The following GAS2L3 variants were observed in gnomAD, a reference collection of about 807,000 sequenced individuals.
GAS2L3 encodes the protein growth arrest specific 2 like 3.
A neutral mutation model predicts 37.0 loss-of-function variants in GAS2L3; 28 were observed. That is an observed-to-expected ratio of 0.76 (90% CI 0.56 to 1.04). The LOEUF (loss-of-function observed/expected upper bound fraction) is 1.04. Ranked by LOEUF, GAS2L3 falls within the 50% of genes least tolerant of loss-of-function variation. The pLI is 0.00. For synonymous variants in GAS2L3, 290 were observed against 296.6 expected (o/e 0.98, Z 0.23); for missense variants, 793 against 817.6 (o/e 0.97, Z 0.37).
At chr12:100,612,740 C>T (rs971326561) in intron 6 of GAS2L3, among the ~76,000 whole-genome samples, 1 of 152,038 alleles carries the variant, frequency 6.6e-6, no homozygotes, top group Non-Finnish European at 1.5e-5. Flanking sequence ...TGTGTACATA[C>T]ACACACACAC....
intron 3 of GAS2L3, among the ~76,000 whole-genome samples, chr12:100,595,809 A>C (rs1432343079): frequency 6.6e-6 from 1 of 152,060 alleles, no homozygotes; most frequent in East Asian, 1.9e-4. Flanking sequence ...TAACATGTGC[A>C]AATGGACTGC....
chr12:100,613,551 G>A (rs1956151317), intron 6 of GAS2L3, among the ~76,000 whole-genome samples: 1 of 151,322 alleles, frequency 6.6e-6, no homozygotes, highest in African/African-American at 2.4e-5. Flanking sequence ...TGCTTGGGGT[G>A]TATAATAGAT....
At chr12:100,583,174 T>C (rs928148882) in intron 1 of GAS2L3, among the ~76,000 whole-genome samples, 1 of 152,228 alleles carries the variant, frequency 6.6e-6, no homozygotes, top group Non-Finnish European at 1.5e-5. Context: ...CAGCTCTGCA[T>C]CCCTCTTACA....
intron 4 of GAS2L3, 139 bp from the exon 5 acceptor site, chr12:100,601,499 G>T: frequency 2.0e-6 from 1 of 504,018 alleles, no homozygotes; most frequent in Non-Finnish European, 3.6e-6. Context: ...TATTTTAACT[G>T]TACCTTCTAA....
chr12:100,612,734 T>A (rs1318767352), intron 6 of GAS2L3, among the ~76,000 whole-genome samples: 1 of 152,174 alleles, frequency 6.6e-6, no homozygotes, highest in Non-Finnish European at 1.5e-5. Flanking sequence ...TATATATGTG[T>A]ACATACACAC....
chr12:100,624,391 T>G lies in GAS2L3; in HGVS notation c.1586T>G (p.Ile529Arg). The change falls in exon 10 of 10, where the codon ATA (isoleucine) becomes AGA (arginine). Residue 529 changes from isoleucine (I) to arginine (R), a missense_variant. Coordinates refer to ENST00000547754, the MANE Select transcript of GAS2L3 (RefSeq NM_174942.3). Reference protein sequence around the residue: ...AKMTKTSSKTIATGLGTQSQP... With the variant: ...AKMTKTSSKTRATGLGTQSQP... ...ATGACAAAAACCAGTTCCAAAACCA[T>G]AGCCACGGGTCTAGGAACACAGTCT... 6 of 1,613,946 alleles carry G rather than the reference T, an allele frequency of 3.7e-6. No individual in the cohort carries two copies. Among genetic ancestry groups the G allele is most frequent in the Non-Finnish European group, 5.1e-6 (6 of 1,179,990 alleles).
intron 1 of GAS2L3, 186 bp downstream of exon 1, chr12:100,573,971 G>T (rs36062145): frequency 6.6e-6 from 1 of 152,172 alleles, no homozygotes; most frequent in Admixed American, 6.5e-5. Context: ...CGGCAGTCGC[G>T]TGCTCTGATT....
At chr12:100,593,313 TAATC>T (rs1565801468) in intron 2 of GAS2L3, among the ~76,000 whole-genome samples, 1 of 152,176 alleles carries the variant, frequency 6.6e-6, no homozygotes, top group Non-Finnish European at 1.5e-5. Context: ...TTTTTAAAGT[TAATC>T]CAGATGGTTA....
chr12:100,614,255 G>A (rs928331330), intron 6 of GAS2L3, among the ~76,000 whole-genome samples: 11 of 152,070 alleles, frequency 7.2e-5, no homozygotes, highest in Non-Finnish European at 1.3e-4. Flanking sequence ...CCTGAGGTCA[G>A]GAGTTTGAGA....
chr12:100,604,474 GT>G lies in GAS2L3; in HGVS notation c.303+2737del, dbSNP rs56690394. ...CTGAATTTGTTTATCAGCTGTAGTT[GT>G]TTTTTTTTTTTTTTTGAGTGTGGGG... On this transcript the variant is annotated intron_variant, in intron 5 of 9. Transcript: ENST00000547754. 1.9e-3 allele frequency among the ~76,000 whole-genome samples: 243 copies of G among 129,256 alleles called. 1 individual carries two copies. The highest frequency in any genetic ancestry group is 0.012 in the South Asian group (50 of 4,018). 84.8% of individuals were successfully genotyped at this position (129,256 alleles called of 152,430 possible).
At position 100,600,392 on chromosome 12, in the gene GAS2L3, GAGA is replaced by G. The variant is rs1472677031; in HGVS notation, c.33_35del (p.Glu11del). On this transcript the variant is annotated inframe_deletion, in exon 4 of 10. Coordinates refer to ENST00000547754, the MANE Select transcript of GAS2L3 (RefSeq NM_174942.3). ...TTTTTTTTTCTTTAGGTATGGTTTG[GAGA>G]AGATCTGCCTCTAAGTCCTCGGAGT... 1 of 1,586,472 alleles carries G rather than the reference GAGA, an allele frequency of 6.3e-7. No individual in the cohort carries two copies. Among genetic ancestry groups the G allele is most frequent in the Non-Finnish European group, 8.5e-7 (1 of 1,171,022 alleles).
chr12:100,624,712 C>T lies in GAS2L3; in HGVS notation c.1907C>T (p.Ala636Val), dbSNP rs1956311927. The change falls in exon 10 of 10, where the codon GCT (alanine) becomes GTT (valine). Residue 636 changes from alanine (A) to valine (V), a missense_variant. Physicochemically the swap from Ala to Val is moderately conservative, Grantham distance 64 (BLOSUM62 0). Transcript: ENST00000547754. ...GCACCGAAGTCAGCACAGACTGTCG[C>T]TAAGAGCCAGCATTCAACTAAAGGG... ...QTAPKSAQTV[A>V]KSQHSTKGPP... 1 of 1,613,912 alleles carries T rather than the reference C, an allele frequency of 6.2e-7. No homozygotes were observed. The highest frequency in any genetic ancestry group is 1.3e-5 in the African/African-American group (1 of 74,874).
chr12:100,612,081 C>G lies in GAS2L3; in HGVS notation c.385C>G (p.Leu129Val). Residue 129 changes from leucine to valine, a missense_variant, in exon 6 of 10, where the codon CTT (leucine) becomes GTT (valine). Leu to Val is a conservative substitution (Grantham distance 32). Transcript: ENST00000547754. Reference protein sequence around the residue: ...FFARDNTANFLHWCRDIGVDE... With the variant: ...FFARDNTANFVHWCRDIGVDE... Reference sequence around the variant, plus strand: ...TGCTCGGGACAATACCGCAAACTTCCTTCACTGGTGTAGGGACATTGGGGT... The same window carrying G: ...TGCTCGGGACAATACCGCAAACTTCGTTCACTGGTGTAGGGACATTGGGGT... The G allele has an allele frequency of 6.2e-7, 1 of 1,612,486 alleles. No homozygotes were observed. Among genetic ancestry groups the G allele is most frequent in the Non-Finnish European group, 8.5e-7 (1 of 1,178,514 alleles).
Position 100,618,474 on chromosome 12 carries a change from G to A in GAS2L3, c.535G>A (p.Val179Ile). The change falls in exon 8 of 10, where the codon GTA (valine) becomes ATA (isoleucine). Residue 179 changes from valine (V) to isoleucine (I), a missense_variant. Transcript: ENST00000547754. ...SRYGVEPPVL[V>I]KLEKEIELEE... is the part of the protein sequence containing the mutation. ...ATACGGGGTTGAGCCACCAGTGTTA[G>A]TAAAACTTGAGAAAGAAATTGAGTT... is the stretch of plus-strand genomic sequence containing the variant. 6.2e-7 allele frequency: 1 copy of A among 1,611,388 alleles called. No individual in the cohort carries two copies. Among genetic ancestry groups the A allele is most frequent in the Non-Finnish European group, 8.5e-7 (1 of 1,178,858 alleles).
chr12:100,607,257 T>C (rs890795039), intron 5 of GAS2L3, among the ~76,000 whole-genome samples: 10 of 152,200 alleles, frequency 6.6e-5, no homozygotes, highest in African/African-American at 2.4e-4. Flanking sequence ...CACTCTCTCC[T>C]GGCCTGTAAG....
chr12:100,624,152 C>T lies in GAS2L3; in HGVS notation c.1347C>T (p.Ala449=). 6.2e-7 allele frequency: 1 copy of T among 1,612,412 alleles called. No homozygotes were observed. The highest frequency in any genetic ancestry group is 8.5e-7 in the Non-Finnish European group (1 of 1,179,626). ...PNTPKAKVIP[A]QNSADLPEST... is the part of the protein sequence containing the mutation. ...CCCCCAAGGCCAAGGTTATTCCAGC[C>T]CAGAATTCAGCAGATCTGCCCGAGT... is the stretch of plus-strand genomic sequence containing the variant. The change falls in exon 10 of 10, where the codon GCC becomes GCT. Residue 449 remains alanine, a synonymous_variant. Transcript: ENST00000547754.
rs766703028 is a variant in GAS2L3 at position 100,624,723 on chromosome 12, C to A, written c.1918C>A (p.His640Asn). The change falls in exon 10 of 10, where the codon CAT becomes AAT. Residue 640 changes from histidine to asparagine, a missense_variant. By Grantham distance (68) the His-to-Asn change is moderately conservative. Transcript: ENST00000547754. ...KSAQTVAKSQ[H>N]STKGPPRSGK... is the part of the protein sequence containing the mutation. ...AGCACAGACTGTCGCTAAGAGCCAG[C>A]ATTCAACTAAAGGGCCTCCCAGAAG... is the stretch of plus-strand genomic sequence containing the variant. The A allele has an allele frequency of 1.2e-6, 2 of 1,614,070 alleles. No homozygotes were observed. Among genetic ancestry groups the A allele is most frequent in the Non-Finnish European group, 1.7e-6 (2 of 1,180,014 alleles).
At chr12:100,574,984 T>C (rs1369887005) in intron 1 of GAS2L3, among the ~76,000 whole-genome samples, 1 of 152,146 alleles carries the variant, frequency 6.6e-6, no homozygotes, top group African/African-American at 2.4e-5. Context: ...GTAGTAATTT[T>C]TTTTTTTTTA....
At chr12:100,618,415 G>A in intron 7 of GAS2L3, 34 bp from the exon 8 acceptor site, 1 of 1,578,608 alleles carries the variant, frequency 6.3e-7, no homozygotes, top group South Asian at 1.2e-5. Flanking sequence ...GGTCAACTTT[G>A]CTTGAATGAT....
Sources: allele counts gnomAD v4.1 joint callset (sites outside exome capture counted in the v4.1 genomes callset), GRCh38; gene constraint gnomAD v4.1.1; transcripts MANE v1.5; gene names NCBI Gene and HGNC (gene_info 2026-07-23, HGNC 2026-07-21).